Variants in RTL9 observed in about 807,000 individuals in gnomAD.
RTL9 encodes retrotransposon Gag-like protein 9.
A neutral mutation model predicts 44.7 loss-of-function variants in RTL9; 19 were observed. That is an observed-to-expected ratio of 0.42 (90% confidence interval 0.30 to 0.62). The LOEUF is 0.62. Ranked by LOEUF, RTL9 falls within the 20% of genes least tolerant of loss-of-function variation. RTL9 has a pLI of 0.16. For synonymous variants in RTL9, 407 were observed against 398.9 expected, an observed-to-expected ratio of 1.02 and a Z score of -0.24; for missense variants, 1,105 against 1,080.6, an observed-to-expected ratio of 1.02 and a Z score of -0.32.
chrX:110,371,970 T>C (rs1392320146), intron 1 of RTL9, among the ~76,000 whole-genome samples: 1 of 111,699 alleles, frequency 9.0e-6, no homozygotes, highest in African/African-American at 3.3e-5. Flanking sequence ...TACTAGATCC[T>C]TTACTGTTAC....
chrX:110,451,754 T>G lies in RTL9; in HGVS notation c.1137T>G (p.Asn379Lys), dbSNP rs779224929. The change falls in exon 1 of 2, where the codon AAT (asparagine) becomes AAG (lysine). Residue 379 changes from asparagine to lysine, a missense_variant. Asn to Lys is a moderately conservative substitution (Grantham distance 94, BLOSUM62 0). Coordinates refer to ENST00000540313, the Ensembl canonical transcript of RTL9. ...CGATGTCCCCATGGTCAACACAAAA[T>G]GTAGACTCTGAAATGATGTCTAATC... 1 of 1,210,960 alleles carries G rather than the reference T, an allele frequency of 8.3e-7. No individual in the cohort carries two copies. Among genetic ancestry groups the G allele is most frequent in the East Asian group, 3.0e-5 (1 of 33,780 alleles).
At chrX:110,362,540 T>C (rs1361156863) in intron 1 of RTL9, among the ~76,000 whole-genome samples, 2 of 112,550 alleles carry the variant, frequency 1.8e-5, no homozygotes, top group Non-Finnish European at 3.8e-5. Flanking sequence ...TCCCAGAAGC[T>C]GGGCGACTGT....
chrX:110,419,429 C>T (rs1318147697), intron 1 of RTL9, among the ~76,000 whole-genome samples: 1 of 112,533 alleles, frequency 8.9e-6, no homozygotes, highest in Non-Finnish European at 1.9e-5. Flanking sequence ...GCCTCCTGTT[C>T]CTCTCTTACA....
At chrX:110,446,204 G>A (rs1010106865), upstream of RTL9, among the ~76,000 whole-genome samples, 16 of 111,554 alleles carry the variant, frequency 1.4e-4, no homozygotes, top group African/African-American at 4.9e-4. Context: ...GGGGAATGGG[G>A]GGTGGGGCAT....
upstream of RTL9, among the ~76,000 whole-genome samples, chrX:110,417,553 C>A (rs1159927286): frequency 8.9e-6 from 1 of 111,844 alleles, no homozygotes; most frequent in Non-Finnish European, 1.9e-5. Context: ...TGCATCTTCC[C>A]AGCAGGTTTT....
intron 1 of RTL9, among the ~76,000 whole-genome samples, chrX:110,426,469 T>A (rs760130312): frequency 4.5e-5 from 5 of 111,940 alleles, no homozygotes; most frequent in African/African-American, 1.6e-4. Context: ...TTTTTAGACA[T>A]TTTAAATCTA....
At chrX:110,418,822 C>A (rs2068696750), upstream of RTL9, among the ~76,000 whole-genome samples, 1 of 111,743 alleles carries the variant, frequency 8.9e-6, no homozygotes, top group Non-Finnish European at 1.9e-5. Flanking sequence ...TATGTGTGAG[C>A]CGTATTTTAA....
intron 1 of RTL9, among the ~76,000 whole-genome samples, chrX:110,378,613 C>T (rs1378693077): frequency 8.9e-6 from 1 of 112,276 alleles, no homozygotes; most frequent in Non-Finnish European, 1.9e-5. Flanking sequence ...TGCCAAACTA[C>T]CATTCTTTGT....
At chrX:110,433,773 C>T (rs1036164511) in intron 1 of RTL9, among the ~76,000 whole-genome samples, 4 of 112,055 alleles carry the variant, frequency 3.6e-5, no homozygotes, top group Non-Finnish European at 5.6e-5. Context: ...TTGTCATTAT[C>T]GGCATATTAT....
At chrX:110,452,846 G>T in exon 1 of RTL9, 2 of 1,211,734 alleles carry the variant, frequency 1.7e-6, no homozygotes, top group South Asian at 3.5e-5. Flanking sequence ...CCGCTGGAGG[G>T]ATGCAGATGA....
At chrX:110,382,980 A>G (rs753163260) in intron 1 of RTL9, among the ~76,000 whole-genome samples, 10 of 112,086 alleles carry the variant, frequency 8.9e-5, no homozygotes, top group Non-Finnish European at 1.9e-4. Flanking sequence ...TCAGTTTTAC[A>G]TGATGCAGTG....
At chrX:110,387,857 CTTTT>C (rs57937918) in intron 1 of RTL9, among the ~76,000 whole-genome samples, 1 of 82,808 alleles carries the variant, frequency 1.2e-5, no homozygotes, top group African/African-American at 5.3e-5. Flanking sequence ...CTCCCTCTCT[CTTTT>C]TTTTTTTTTT....
intron 1 of RTL9, among the ~76,000 whole-genome samples, chrX:110,442,723 A>G (rs1007328858): frequency 1.8e-5 from 2 of 111,657 alleles, no homozygotes; most frequent in Non-Finnish European, 3.8e-5. Flanking sequence ...GCCCCTTCTA[A>G]GGAGTTTCCA....
At chrX:110,450,825 G>A in exon 1 of RTL9, 1 of 1,211,617 alleles carries the variant, frequency 8.3e-7, no homozygotes, top group African/African-American at 1.7e-5. Context: ...GACATCTCCA[G>A]TCTTTGACAC....
At chrX:110,395,520 A>C (rs2068522675) in intron 1 of RTL9, among the ~76,000 whole-genome samples, 1 of 112,645 alleles carries the variant, frequency 8.9e-6, no homozygotes, top group East Asian at 2.8e-4. Flanking sequence ...ACGATTTAAC[A>C]GAAGAGGATA....
intron 1 of RTL9, among the ~76,000 whole-genome samples, chrX:110,373,348 C>T (rs957397438): frequency 8.9e-6 from 1 of 111,866 alleles, no homozygotes; most frequent in African/African-American, 3.3e-5. Flanking sequence ...CCAAAATTCA[C>T]AGTACCCACA....
rs1045497998 is a variant in RTL9 at position 110,372,073 on chromosome X, C to T, written c.-168+13157C>T. 2.7e-5 allele frequency among the ~76,000 whole-genome samples: 3 copies of T among 111,417 alleles called. No homozygotes were observed. The East Asian group carries it at 8.4e-4, about 31-fold the overall frequency. On this transcript the variant is annotated intron_variant, in intron 1 of 2. Transcript: ENST00000520821. ...TGTGGTGCATTCCTAGATATCACTC[C>T]CTTTGAGAAAGTTAGCTATTCCCCC...
intron 1 of RTL9, among the ~76,000 whole-genome samples, chrX:110,441,318 G>A (rs969794974): frequency 8.9e-6 from 1 of 111,912 alleles, no homozygotes; most frequent in Admixed American, 9.5e-5. Context: ...TTCTTCAAAG[G>A]TCCCTGATTG....
At chrX:110,363,119 TG>T (rs1360433361) in intron 1 of RTL9, among the ~76,000 whole-genome samples, 34 of 112,056 alleles carry the variant, frequency 3.0e-4, no homozygotes, top group African/African-American at 1.1e-3. Flanking sequence ...CCTACAAAGA[TG>T]AATAGGGCAT....
Sources: gnomAD v4.1 joint callset for allele counts (sites outside exome capture counted in the v4.1 genomes callset) on GRCh38, gnomAD v4.1.1 for gene constraint, MANE v1.5 for transcripts, NCBI Gene and HGNC (gene_info 2026-07-23, HGNC 2026-07-21) for gene names.